The following CYLC2 variants were observed in gnomAD, a reference collection of about 807,000 sequenced individuals.
The protein encoded by CYLC2 is cylicin 2, also known as cylicin-2.
CYLC2 carries 30 observed loss-of-function variants against 26.1 expected under a neutral mutation model. The ratio of observed to expected loss-of-function variants is 1.15; its 90% CI spans 0.86 to 1.56. CYLC2 has a LOEUF of 1.56. Among genes scored for constraint, CYLC2 ranks in the 40% most tolerant of loss-of-function variants. The pLI, the probability that CYLC2 is intolerant of heterozygous loss-of-function variation, is 0.00. For synonymous variants in CYLC2, 158 were observed against 132.8 expected (o/e 1.19, Z -1.31); for missense variants, 498 against 394.4 (o/e 1.26, Z -2.23).
intron 6 of CYLC2, among the ~76,000 whole-genome samples, chr9:103,014,506 T>C (rs1449142693): frequency 7.1e-6 from 1 of 141,534 alleles, no homozygotes; most frequent in African/African-American, 2.5e-5. Flanking sequence ...ACATAATATA[T>C]GTAATATACA....
At position 103,018,467 on chromosome 9, in the gene CYLC2, T is replaced by C. The variant is rs1260465083; in HGVS notation, c.*1033T>C. 2 of 152,158 alleles carry C rather than the reference T, an allele frequency of 1.3e-5. No homozygotes were observed. The highest frequency in any genetic ancestry group is 3.4e-3 in the Middle Eastern group (1 of 294). The allele number at this position is 152,158 out of a possible 1,614,324, so 9.4% of individuals were successfully genotyped here. The stretch of plus-strand genomic sequence containing the variant: ...ATTAAACACCTGGTGAAATTATCAA[T>C]TAAAAACATCTAGTCACCATAGTTA... On this transcript the variant is annotated 3_prime_UTR_variant, in exon 8 of 8. Coordinates refer to ENST00000374798, the MANE Select transcript of CYLC2 (RefSeq NM_001340.5).
At position 103,004,799 on chromosome 9, in the gene CYLC2, G is replaced by A. The variant is rs761134343; in HGVS notation, c.285G>A (p.Arg95=). ...GACCATCTGTTTATTTAGCTGCCAG[G>A]AGGCAGCCTCTCAAACCAACTCGTA... ...SERPSVYLAA[R]RQPLKPTRTV... Residue 95 remains arginine, a synonymous_variant, in exon 4 of 8, where the codon AGG becomes AGA. Coordinates refer to ENST00000374798, the MANE Select transcript of CYLC2 (RefSeq NM_001340.5). 6 of 1,612,606 alleles carry A rather than the reference G, an allele frequency of 3.7e-6. No individual in the cohort carries two copies. Among genetic ancestry groups the A allele is most frequent in the Admixed American group, 1.7e-5 (1 of 59,692 alleles).
At chr9:103,004,387 CA>C (rs1336813939) in intron 3 of CYLC2, among the ~76,000 whole-genome samples, 2 of 151,994 alleles carry the variant, frequency 1.3e-5, no homozygotes, top group Admixed American at 6.6e-5. Context: ...CAAGAACATA[CA>C]GTTTAAAAAG....
intron 6 of CYLC2, among the ~76,000 whole-genome samples, chr9:103,016,388 G>A (rs377583202): frequency 6.6e-6 from 1 of 151,998 alleles, no homozygotes; most frequent in Admixed American, 6.6e-5. Flanking sequence ...CTAGCACATT[G>A]CCATGGAAGA....
chr9:103,012,934 C>T (rs1014455962), intron 6 of CYLC2, among the ~76,000 whole-genome samples: 4 of 148,958 alleles, frequency 2.7e-5, no homozygotes, highest in African/African-American at 9.9e-5. Context: ...GTTTGGCATT[C>T]GGAAAAAAAG....
rs1344913750 is a variant in CYLC2, at chr9:103,005,104, A to G, written c.473A>G (p.Lys158Arg). 6.2e-7 allele frequency: 1 copy of G among 1,606,896 alleles called. No homozygotes were observed. Among genetic ancestry groups the G allele is most frequent in the Admixed American group, 1.7e-5 (1 of 58,212 alleles). Residue 158 changes from lysine (K) to arginine (R), a missense_variant, in exon 5 of 8, where the codon AAG becomes AGG. Physicochemically the swap from Lys to Arg is conservative, Grantham distance 26 (BLOSUM62 2). Coordinates refer to ENST00000374798, the MANE Select transcript of CYLC2 (RefSeq NM_001340.5). The stretch of plus-strand genomic sequence containing the variant: ...GGAAAAGAAGAAAAGCTAGATGCAA[A>G]GAAAGATAGCAAAAAAGGTAAAAAG... ...EKGKEEKLDAKKDSKKGKKDA... is the reference protein window; with the variant it reads ...EKGKEEKLDARKDSKKGKKDA...
In CYLC2 at chr9:103,001,631, T is replaced by G. The variant is rs1384622143; in HGVS notation, c.58+13T>G. On this transcript the variant is annotated intron_variant, in intron 2 of 7. Transcript: ENST00000374798. ...AATTACATTCCAGGTAAGAAAGCAT[T>G]CAATATTTATTACAAAACAGGTGTG... is the stretch of plus-strand genomic sequence containing the variant. 3 of 1,513,120 alleles carry G rather than the reference T, an allele frequency of 2.0e-6. No homozygotes were observed. Among genetic ancestry groups the G allele is most frequent in the Non-Finnish European group, 2.7e-6 (3 of 1,092,700 alleles). The allele number at this position is 1,513,120 out of a possible 1,614,324, so 93.7% of individuals were successfully genotyped here. A position where few individuals can be genotyped will look rare whatever the true frequency, so the allele number is the denominator to read the frequency against.
In CYLC2 at chr9:103,005,536, A is replaced by G. The variant is rs140754596; in HGVS notation, c.905A>G (p.Lys302Arg). The stretch of plus-strand genomic sequence containing the variant: ...AAGGACGCCACGAAAGATGCCAAGA[A>G]AGTTGCCAAGAAAGATACTGAGAAA... ...SKKDATKDAK[K>R]VAKKDTEKES... is the part of the protein sequence containing the mutation. Residue 302 changes from lysine to arginine, a missense_variant, in exon 5 of 8, where the codon AAA (lysine) becomes AGA (arginine). Lys to Arg is a conservative substitution (Grantham distance 26, BLOSUM62 2). Transcript: ENST00000374798. The G allele has an allele frequency of 3.7e-6, 6 of 1,609,824 alleles. No homozygotes were observed. The highest frequency in any genetic ancestry group is 1.1e-5 in the South Asian group (1 of 90,836).
chr9:103,013,492 T>C (rs1829441635), intron 6 of CYLC2, among the ~76,000 whole-genome samples: 1 of 111,160 alleles, frequency 9.0e-6, no homozygotes, highest in Non-Finnish European at 1.6e-5. Flanking sequence ...TTTAACATAT[T>C]ACATATATTA....
rs567806323 is a variant in CYLC2 at position 103,005,718 on chromosome 9, G to A, written c.*40G>A. The A allele has an allele frequency of 7.7e-6, 12 of 1,560,856 alleles. No individual in the cohort carries two copies. In the Admixed American group the frequency reaches 9.8e-5, roughly 13 times the overall value. On this transcript the variant is annotated 3_prime_UTR_variant, in exon 5 of 8. Coordinates refer to ENST00000374798, the MANE Select transcript of CYLC2 (RefSeq NM_001340.5). Reference sequence around the variant, plus strand: ...TTTGAACCGAAAGAATAATTCAAAAGCATATTTGATGAAACAATAGTGGTA... The same window carrying A: ...TTTGAACCGAAAGAATAATTCAAAAACATATTTGATGAAACAATAGTGGTA...
At position 103,005,371 on chromosome 9, in the gene CYLC2, G is replaced by GAAA. The variant is rs752464609; in HGVS notation, c.745_747dup (p.Lys249dup). 4.3e-6 allele frequency: 7 copies of GAAA among 1,613,596 alleles called. No individual in the cohort carries two copies. In the African/African-American group the frequency reaches 8.0e-5, roughly 18 times the overall value. On this transcript the variant is annotated inframe_insertion, in exon 5 of 8. Transcript: ENST00000374798. ...GCAGATGAAAAGAAGGATGAGGATG[G>GAAA]AAAAAAAGATGCAAACAAAGGTGAT...
intron 1 of CYLC2, among the ~76,000 whole-genome samples, chr9:102,997,805 A>G (rs1829252252): frequency 6.6e-6 from 1 of 151,976 alleles, no homozygotes; most frequent in Non-Finnish European, 1.5e-5. Context: ...TGGATTTTGT[A>G]TTTAGATTAA....
intron 2 of CYLC2, among the ~76,000 whole-genome samples, chr9:103,002,236 G>C (rs530836273): frequency 6.6e-6 from 1 of 151,046 alleles, no homozygotes; most frequent in East Asian, 2.0e-4. Flanking sequence ...TTAATCATTT[G>C]TATTATAGTT....
At chr9:103,006,879 G>T (rs1243728258) in intron 5 of CYLC2, among the ~76,000 whole-genome samples, 8 of 151,992 alleles carry the variant, frequency 5.3e-5, no homozygotes, top group Non-Finnish European at 1.0e-4. Flanking sequence ...ACAATATATT[G>T]TATTCTTGAA....
chr9:103,014,463 C>T (rs920009676), intron 6 of CYLC2, among the ~76,000 whole-genome samples: 1,807 of 122,414 alleles, frequency 0.015, 12 homozygotes, highest in Middle Eastern at 0.026. Flanking sequence ...ATGTATATTA[C>T]GTAATATACA....
In CYLC2 at chr9:103,006,949, G is replaced by A. The variant is rs796193143; in HGVS notation, c.*700+571G>A. Among the ~76,000 whole-genome samples, 10 of 152,130 alleles carry A rather than the reference G, an allele frequency of 6.6e-5. 1 individual carries two copies. Among genetic ancestry groups the A allele is most frequent in the African/African-American group, 2.2e-4 (9 of 41,512 alleles). On this transcript the variant is annotated intron_variant, in intron 5 of 7. Coordinates refer to ENST00000374798, the MANE Select transcript of CYLC2 (RefSeq NM_001340.5). ...ATCGCATAAATGATAACCATGTGAG[G>A]TGATGCTTATGTCAATTAGCAAGAT...
chr9:103,010,124 A>G (rs1248242618), intron 5 of CYLC2, among the ~76,000 whole-genome samples: 1 of 151,956 alleles, frequency 6.6e-6, no homozygotes, highest in Non-Finnish European at 1.5e-5. Context: ...TTTTCATGAG[A>G]AATCAATACA....
At chr9:103,015,204 A>G (rs1228328811) in intron 6 of CYLC2, among the ~76,000 whole-genome samples, 1 of 109,574 alleles carries the variant, frequency 9.1e-6, no homozygotes, top group Non-Finnish European at 1.8e-5. Context: ...ATATCACGTG[A>G]TATACATAAT....
At chr9:103,015,092 GTATAT>G in intron 6 of CYLC2, among the ~76,000 whole-genome samples, 1 of 67,570 alleles carries the variant, frequency 1.5e-5, no homozygotes, top group South Asian at 4.9e-4. Context: ...TACATAACAT[GTATAT>G]CACGTGATAT....
Sources: allele counts gnomAD v4.1 joint callset (sites outside exome capture counted in the v4.1 genomes callset), GRCh38; gene constraint gnomAD v4.1.1; transcripts MANE v1.5; gene names NCBI Gene and HGNC (gene_info 2026-07-23, HGNC 2026-07-21).